The following SGK1 variants were observed in gnomAD, a reference collection of about 807,000 sequenced individuals.
SGK1 encodes serine/threonine-protein kinase Sgk1.
In SGK1, 26 loss-of-function variants were observed where a neutral mutation model predicts 64.2. That is an observed-to-expected ratio of 0.40 (90% CI 0.30 to 0.56). The LOEUF (loss-of-function observed/expected upper bound fraction) is 0.56, where lower values mean the gene tolerates loss of function less well. SGK1 is among the 20% of genes least tolerant of loss of function. The pLI is 0.38. For synonymous variants in SGK1, 265 were observed against 239.7 expected (o/e 1.11, Z -0.98); for missense variants, 519 against 645.6 (o/e 0.80, Z 2.12).
chr6:134,229,127 A>G (rs1217490252), intron 2 of SGK1, among the ~76,000 whole-genome samples: 1 of 152,166 alleles, frequency 6.6e-6, no homozygotes, highest in Non-Finnish European at 1.5e-5. Context: ...CACCGCGCCC[A>G]GCGCGGGTCT....
intron 3 of SGK1, among the ~76,000 whole-genome samples, chr6:134,182,491 G>A (rs1048328490): frequency 4.7e-5 from 7 of 149,396 alleles, no homozygotes; most frequent in Admixed American, 2.0e-4. Context: ...GCGAGACTCC[G>A]TCTAAAAAAA....
intron 2 of SGK1, among the ~76,000 whole-genome samples, chr6:134,255,443 G>A (rs978585019): frequency 1.3e-5 from 2 of 152,022 alleles, no homozygotes; most frequent in Non-Finnish European, 2.9e-5. Flanking sequence ...AGCACTTTGG[G>A]AGGCTGAGGT....
chr6:134,187,950 A>C (rs1031616901), intron 3 of SGK1, among the ~76,000 whole-genome samples: 38 of 152,302 alleles, frequency 2.5e-4, no homozygotes, highest in Non-Finnish European at 1.9e-4. Flanking sequence ...CTCAGTGTTC[A>C]TTTCTGTTGC....
At chr6:134,292,953 A>T (rs932458405) in intron 1 of SGK1, among the ~76,000 whole-genome samples, 1 of 152,168 alleles carries the variant, frequency 6.6e-6, no homozygotes, top group African/African-American at 2.4e-5. Context: ...TGACAGCACC[A>T]TGGGCACGGA....
At chr6:134,232,411 A>AAGAAAAGAAAGAAAGAGAGAGAG (rs771204086) in intron 2 of SGK1, among the ~76,000 whole-genome samples, 498 of 30,182 alleles carry the variant, frequency 0.016, 57 homozygotes, top group African/African-American at 0.046. Flanking sequence ...AAAAGAAAGA[A>AAGAAAAGAAAGAAAGAGAGAGAG]AGAGAAAGAA....
intron 2 of SGK1, among the ~76,000 whole-genome samples, chr6:134,231,257 A>G (rs1776273882): frequency 6.6e-6 from 1 of 152,210 alleles, no homozygotes. Context: ...ACATTCCTCA[A>G]TGATCCAAGC....
intron 1 of SGK1, among the ~76,000 whole-genome samples, chr6:134,273,592 CAAAAAAAAAAAAA>C (rs58634499): frequency 9.9e-4 from 16 of 16,208 alleles, no homozygotes; most frequent in South Asian, 3.9e-3. Context: ...GACTCCGTCT[CAAAAAAAAAAAAA>C]AAAAAAAAAA....
intron 3 of SGK1, chr6:134,175,772 C>T: frequency 1.5e-6 from 2 of 1,332,902 alleles, no homozygotes; most frequent in African/African-American, 1.5e-5. Context: ...CCCCGAGTCC[C>T]AAAACAAACA....
intron 8 of SGK1, 80 bp from the exon 9 acceptor site, chr6:134,172,854 C>G (rs1187255159): frequency 8.1e-7 from 1 of 1,233,102 alleles, no homozygotes; most frequent in African/African-American, 1.5e-5. Context: ...AGAACAACTG[C>G]AGGAAGTGGC....
chr6:134,188,908 C>CTTTTTTTTTTTTTTTT (rs34316759), intron 3 of SGK1, among the ~76,000 whole-genome samples: 1 of 110,220 alleles, frequency 9.1e-6, no homozygotes, highest in African/African-American at 3.6e-5. Flanking sequence ...ATTTCTTTTT[C>CTTTTTTTTTTTTTTTT]TTTTTTTTTT....
chr6:134,260,012 T>C (rs1776740048), intron 2 of SGK1: 2 of 152,302 alleles, frequency 1.3e-5, no homozygotes, highest in Admixed American at 6.5e-5. Context: ...CTATAGATTA[T>C]GAAACATTTC....
intron 3 of SGK1, among the ~76,000 whole-genome samples, chr6:134,184,269 C>T (rs568318369): frequency 4.1e-4 from 62 of 151,978 alleles, no homozygotes; most frequent in African/African-American, 1.3e-3. Context: ...GAGGCTGAGG[C>T]GGGCAGATCA....
At chr6:134,201,876 G>C (rs2114677312) in intron 3 of SGK1, among the ~76,000 whole-genome samples, 1 of 152,246 alleles carries the variant, frequency 6.6e-6, no homozygotes, top group Non-Finnish European at 1.5e-5. Context: ...TCCAAGTGCT[G>C]ATGTGCTGGA....
At position 134,207,372 on chromosome 6, in the gene SGK1, C is replaced by A; in HGVS notation, c.345G>T (p.Trp115Cys). The change falls in exon 3 of 14, where the codon TGG becomes TGT. Residue 115 changes from tryptophan (W) to cysteine (C), a missense_variant. By Grantham distance (215) the Trp-to-Cys change is radical. Transcript: ENST00000367858. Reference protein sequence around the residue: ...ILTKPDPRTFWTNDDPAFMKQ... With the variant: ...ILTKPDPRTFCTNDDPAFMKQ... ...CAATAATACCTGGATCATCATTAGT[C>A]CAGAAGGTTCTTGGATCGGGCTTGG... The A allele has an allele frequency of 1.2e-6, 2 of 1,609,592 alleles. No homozygotes were observed. Among genetic ancestry groups the A allele is most frequent in the South Asian group, 1.1e-5 (1 of 90,844 alleles).
At chr6:134,235,666 G>T (rs1310515624) in intron 2 of SGK1, among the ~76,000 whole-genome samples, 1 of 151,692 alleles carries the variant, frequency 6.6e-6, no homozygotes, top group Admixed American at 6.6e-5. Flanking sequence ...CCACCTCCAG[G>T]GTTCAAGTGA....
At chr6:134,186,833 T>C (rs1240110291) in intron 3 of SGK1, among the ~76,000 whole-genome samples, 1 of 152,146 alleles carries the variant, frequency 6.6e-6, no homozygotes, top group Non-Finnish European at 1.5e-5. Context: ...GGTTTTTTTT[T>C]TGAGACGCAG....
intron 3 of SGK1, among the ~76,000 whole-genome samples, chr6:134,183,267 A>G (rs1015381656): frequency 3.0e-4 from 44 of 146,938 alleles, no homozygotes; most frequent in African/African-American, 1.1e-3. Flanking sequence ...TAATTGGGAT[A>G]TCCGTCATCT....
At chr6:134,225,074 T>C (rs1037501439) in intron 2 of SGK1, among the ~76,000 whole-genome samples, 3 of 142,888 alleles carry the variant, frequency 2.1e-5, no homozygotes, top group African/African-American at 5.2e-5. Flanking sequence ...TGTAGGCCGA[T>C]GCGGTGGCTC....
chr6:134,284,185 C>T (rs1036155285), intron 1 of SGK1, among the ~76,000 whole-genome samples: 1 of 152,206 alleles, frequency 6.6e-6, no homozygotes, highest in African/African-American at 2.4e-5. Flanking sequence ...CTCTGCCTCC[C>T]AGGTTCAAGC....
Sources: gnomAD v4.1 joint callset for allele counts (sites outside exome capture counted in the v4.1 genomes callset) on GRCh38, gnomAD v4.1.1 for gene constraint, MANE v1.5 for transcripts, NCBI Gene and HGNC (gene_info 2026-07-23, HGNC 2026-07-21) for gene names.